BCKDHB: variants seen among roughly 807,000 people sequenced by gnomAD.
BCKDHB encodes branched chain keto acid dehydrogenase E1 subunit beta.
A neutral mutation model predicts 48.5 loss-of-function variants in BCKDHB; 41 were observed. The ratio of observed to expected loss-of-function variants is 0.85; its 90% CI spans 0.66 to 1.10. BCKDHB has a LOEUF of 1.10. Ranked by LOEUF, BCKDHB falls within the 50% of genes least tolerant of loss-of-function variation. The probability of loss-of-function intolerance (pLI) is 0.00; values close to 1 mark genes in which losing one functional copy is unlikely to be tolerated. For missense variants in BCKDHB, 496 were observed against 494.2 expected (o/e 1.00, Z -0.03); for synonymous variants, 201 against 174.8 (o/e 1.15, Z -1.18).
At chr6:80,440,074 T>C in the BCKDHB span, among the ~76,000 whole-genome samples, 2 of 152,158 alleles carry the variant, frequency 1.3e-5, no homozygotes, top group African/African-American at 4.8e-5. Flanking sequence ...ATAAATGTGA[T>C]CAAGATTTAC....
chr6:80,211,060 C>G (rs1183077394), intron 8 of BCKDHB, among the ~76,000 whole-genome samples: 18 of 152,036 alleles, frequency 1.2e-4, no homozygotes, highest in Non-Finnish European at 2.5e-4. Flanking sequence ...GGAGAATAAA[C>G]AAAAGGCTTT....
At chr6:80,128,697 G>A (rs959324781) in intron 2 of BCKDHB, among the ~76,000 whole-genome samples, 1 of 152,098 alleles carries the variant, frequency 6.6e-6, no homozygotes, top group African/African-American at 2.4e-5. Flanking sequence ...TCTGCCTCTA[G>A]CTTTCTGACT....
chr6:80,133,522 A>C (rs752336884), intron 3 of BCKDHB, among the ~76,000 whole-genome samples: 11 of 152,144 alleles, frequency 7.2e-5, no homozygotes. Flanking sequence ...GTACGTAATG[A>C]GATGTATTGA....
chr6:80,137,335 G>A (rs1770939816), intron 3 of BCKDHB, among the ~76,000 whole-genome samples: 1 of 152,032 alleles, frequency 6.6e-6, no homozygotes, highest in Non-Finnish European at 1.5e-5. Flanking sequence ...TCTATATGAC[G>A]TGGATATAGA....
At chr6:80,127,515 A>G in intron 1 of BCKDHB, 32 bp from the exon 2 acceptor site, 1 of 1,564,098 alleles carries the variant, frequency 6.4e-7, no homozygotes, top group East Asian at 2.2e-5. Flanking sequence ...ATTTTACAAC[A>G]CACGAAATGA....
the BCKDHB span, among the ~76,000 whole-genome samples, chr6:80,441,540 A>G: frequency 6.6e-6 from 1 of 152,174 alleles, no homozygotes; most frequent in African/African-American, 2.4e-5. Flanking sequence ...CTTTAGATTT[A>G]ATTTTTTAAT....
chr6:80,331,105 C>T (rs1769298485), intron 9 of BCKDHB, among the ~76,000 whole-genome samples: 1 of 152,096 alleles, frequency 6.6e-6, no homozygotes, highest in South Asian at 2.1e-4. Flanking sequence ...GTAGCTCTTG[C>T]TTATTGATAG....
chr6:80,196,046 A>T (rs1454461370), intron 6 of BCKDHB, among the ~76,000 whole-genome samples: 1 of 152,216 alleles, frequency 6.6e-6, no homozygotes, highest in African/African-American at 2.4e-5. Flanking sequence ...GACAGGGCAG[A>T]GAAATGACCT....
At chr6:80,388,616 AG>A in the BCKDHB span, among the ~76,000 whole-genome samples, 1 of 152,166 alleles carries the variant, frequency 6.6e-6, no homozygotes, top group Non-Finnish European at 1.5e-5. Flanking sequence ...CAGCTCCTGA[AG>A]GCACAAGTAA....
intron 6 of BCKDHB, among the ~76,000 whole-genome samples, chr6:80,184,065 T>G (rs564729751): frequency 6.6e-6 from 1 of 152,272 alleles, no homozygotes; most frequent in South Asian, 2.1e-4. Flanking sequence ...TGTGCAGGTT[T>G]TGGTGTGCAA....
chr6:80,365,813 T>G, the BCKDHB span, among the ~76,000 whole-genome samples: 2 of 152,204 alleles, frequency 1.3e-5, no homozygotes. Flanking sequence ...TAAATGTCCA[T>G]GAATCTTCAC....
the BCKDHB span, among the ~76,000 whole-genome samples, chr6:80,385,596 A>T: frequency 1.3e-5 from 2 of 152,178 alleles, no homozygotes; most frequent in Non-Finnish European, 2.9e-5. Flanking sequence ...GCACTGCCTG[A>T]GGCAACAGTG....
At chr6:80,147,881 G>A (rs1771566424) in intron 3 of BCKDHB, among the ~76,000 whole-genome samples, 1 of 152,122 alleles carries the variant, frequency 6.6e-6, no homozygotes, top group African/African-American at 2.4e-5. Flanking sequence ...ATCAGTCAGG[G>A]AGAATTGACA....
the BCKDHB span, among the ~76,000 whole-genome samples, chr6:80,370,806 G>A: frequency 4.9e-5 from 6 of 121,402 alleles, no homozygotes; most frequent in South Asian, 2.9e-4. Flanking sequence ...GTGTGTGTGT[G>A]TGTATATATA....
intron 3 of BCKDHB, among the ~76,000 whole-genome samples, chr6:80,145,842 C>G (rs1258304249): frequency 6.6e-6 from 1 of 152,118 alleles, no homozygotes; most frequent in Non-Finnish European, 1.5e-5. Context: ...CAGGCTTTGT[C>G]TAGGCTAAGG....
intron 6 of BCKDHB, among the ~76,000 whole-genome samples, chr6:80,181,379 G>A (rs1415347779): frequency 6.6e-6 from 1 of 152,044 alleles, no homozygotes; most frequent in African/African-American, 2.4e-5. Flanking sequence ...TCATTATAAA[G>A]GTAACACATA....
At chr6:80,221,401 A>G (rs1775446183) in intron 8 of BCKDHB, among the ~76,000 whole-genome samples, 1 of 152,214 alleles carries the variant, frequency 6.6e-6, no homozygotes, top group African/African-American at 2.4e-5. Flanking sequence ...ATGAAAGCGT[A>G]TACTCAGTCT....
At chr6:80,335,010 G>A (rs1163541074) in intron 9 of BCKDHB, among the ~76,000 whole-genome samples, 3 of 151,810 alleles carry the variant, frequency 2.0e-5, no homozygotes, top group Admixed American at 1.3e-4. Flanking sequence ...TGGTAGTTTC[G>A]TTTTGTAATT....
intron 8 of BCKDHB, among the ~76,000 whole-genome samples, chr6:80,222,873 A>G (rs747804758): frequency 2.0e-5 from 3 of 152,198 alleles, no homozygotes; most frequent in Non-Finnish European, 2.9e-5. Context: ...CTAGGCCCTT[A>G]ATCATATCCC....
Sources: allele counts gnomAD v4.1 joint callset (sites outside exome capture counted in the v4.1 genomes callset), GRCh38; gene constraint gnomAD v4.1.1; transcripts MANE v1.5; gene names NCBI Gene and HGNC (gene_info 2026-07-23, HGNC 2026-07-21).